Variants in TBC1D4 observed in about 807,000 individuals in gnomAD.
TBC1D4 encodes TBC (Tre-2, BUB2, CDC16) domain-containing protein.
A neutral mutation model predicts 142.5 loss-of-function variants in TBC1D4; 121 were observed. The observed-to-expected ratio is 0.85, with a 90% CI of 0.73 to 0.99. The LOEUF (loss-of-function observed/expected upper bound fraction) is 0.99, where lower values mean the gene tolerates loss of function less well. Among genes scored for constraint, TBC1D4 ranks in the 50% least tolerant of loss-of-function variants. The pLI is 0.00. For missense variants in TBC1D4, 1,475 were observed against 1,606.6 expected (o/e 0.92, Z 1.40); for synonymous variants, 630 against 628.2 (o/e 1.00, Z -0.04).
At position 75,286,372 on chromosome 13, in the gene TBC1D4, G is replaced by A. The variant is rs1224265086; in HGVS notation, c.*420C>T. On this transcript the variant is annotated 3_prime_UTR_variant, in exon 21 of 21. Coordinates refer to ENST00000377636, the MANE Select transcript of TBC1D4 (RefSeq NM_014832.5). ...AAAAAAATACATTCATTTTTTTCAA[G>A]TATATTGCAATATACAAAGATGCTC... 1 of 162,736 alleles carries A rather than the reference G, an allele frequency of 6.1e-6. No individual in the cohort carries two copies. Among genetic ancestry groups the A allele is most frequent in the Non-Finnish European group, 1.4e-5 (1 of 73,856 alleles). The allele number at this position is 162,736 out of a possible 1,614,324, so 10.1% of individuals were successfully genotyped here. A position where few individuals can be genotyped will look rare whatever the true frequency, so the allele number is the denominator to read the frequency against.
chr13:75,347,158 A>G (rs1881216694), intron 5 of TBC1D4, among the ~76,000 whole-genome samples: 1 of 151,564 alleles, frequency 6.6e-6, no homozygotes, highest in Non-Finnish European at 1.5e-5. Context: ...GTATTACACA[A>G]ACGTATTACA....
rs759153769 is a variant in TBC1D4 at position 75,362,650 on chromosome 13, G to A, written c.499-43C>T. On this transcript the variant is annotated intron_variant, in intron 1 of 20. Transcript: ENST00000377636. The surrounding 1 kb of genome is among the most constrained non-coding windows in gnomAD (Gnocchi z 4.2). ...AACCCTGATTCTAGTTGAAAGTTTTGAGACAATTTACATTTACCTAGCCCA... is the reference window on the plus strand; with the variant it reads ...AACCCTGATTCTAGTTGAAAGTTTTAAGACAATTTACATTTACCTAGCCCA... 1 of 1,606,838 alleles carries A rather than the reference G, an allele frequency of 6.2e-7. No individual in the cohort carries two copies. The highest frequency in any genetic ancestry group is 1.1e-5 in the South Asian group (1 of 90,842).
At chr13:75,384,780 C>T (rs1884075488) in intron 1 of TBC1D4, among the ~76,000 whole-genome samples, 2 of 151,958 alleles carry the variant, frequency 1.3e-5, no homozygotes, top group Admixed American at 6.6e-5. Context: ...AATAAACAAA[C>T]AAAAATCATC....
At position 75,333,674 on chromosome 13, in the gene TBC1D4, T is replaced by C. The variant is rs553797; in HGVS notation, c.1731+3247A>G. 2.2e-3 allele frequency among the ~76,000 whole-genome samples: 333 copies of C among 152,346 alleles called. 2 individuals carry two copies. The highest frequency in any genetic ancestry group is 7.4e-3 in the African/African-American group (307 of 41,580). On this transcript the variant is annotated intron_variant, in intron 8 of 20. Coordinates refer to ENST00000377636, the MANE Select transcript of TBC1D4 (RefSeq NM_014832.5). ...AACTTTCAAAACCAGGATACTGACA[T>C]TGATACAGTAATACTATTGAATCTT...
intron 1 of TBC1D4, among the ~76,000 whole-genome samples, chr13:75,477,777 G>A (rs1888679056): frequency 6.6e-6 from 1 of 152,176 alleles, no homozygotes; most frequent in African/African-American, 2.4e-5. Context: ...TCCCCAATCA[G>A]TTTAAGTCTG....
chr13:75,381,669 T>A (rs1883854015), intron 1 of TBC1D4, among the ~76,000 whole-genome samples: 1 of 152,212 alleles, frequency 6.6e-6, no homozygotes, highest in African/African-American at 2.4e-5. Context: ...CAAACTACTA[T>A]CATTGCAGGT....
intron 1 of TBC1D4, among the ~76,000 whole-genome samples, chr13:75,436,736 G>T (rs1452060849): frequency 4.0e-5 from 6 of 151,782 alleles, no homozygotes; most frequent in Non-Finnish European, 7.4e-5. Flanking sequence ...GGACACTAAT[G>T]GGTAAAATGT....
rs1163853822 is a variant in TBC1D4, at chr13:75,402,892, G to A, written c.499-40285C>T. 4.6e-5 allele frequency among the ~76,000 whole-genome samples: 7 copies of A among 152,184 alleles called. No individual in the cohort carries two copies. In the East Asian group the frequency reaches 9.6e-4, roughly 21 times the overall value. ...AAAATAGAGCTCACAAGGAGATTAA[G>A]TTACATACACAAGGTGTCTGAACAT... On this transcript the variant is annotated intron_variant, in intron 1 of 20. Coordinates refer to ENST00000377636, the MANE Select transcript of TBC1D4 (RefSeq NM_014832.5).
chr13:75,399,613 TGCTGGGCATCTTGG>T (rs1884979167), intron 1 of TBC1D4, among the ~76,000 whole-genome samples: 1 of 152,216 alleles, frequency 6.6e-6, no homozygotes, highest in African/African-American at 2.4e-5. Flanking sequence ...GAGCTGAGAC[TGCTGGGCATCTTGG>T]GAGTGAGCAA....
At chr13:75,339,489 C>T (rs1033264610) in intron 7 of TBC1D4, among the ~76,000 whole-genome samples, 1 of 152,188 alleles carries the variant, frequency 6.6e-6, no homozygotes, top group Admixed American at 6.5e-5. Flanking sequence ...TTGTTTCCCC[C>T]ACCAATCCCC....
chr13:75,401,555 T>A (rs1885096193), intron 1 of TBC1D4, among the ~76,000 whole-genome samples: 1 of 152,242 alleles, frequency 6.6e-6, no homozygotes, highest in African/African-American at 2.4e-5. Flanking sequence ...CTATCAAGAA[T>A]TATGTACAAA....
chr13:75,440,658 A>AT (rs1457193850), intron 1 of TBC1D4, among the ~76,000 whole-genome samples: 3 of 151,532 alleles, frequency 2.0e-5, no homozygotes, highest in Non-Finnish European at 4.4e-5. Flanking sequence ...GGCTCAAGGG[A>AT]TCCCCCCAGC....
At chr13:75,462,978 A>G (rs1361147848) in intron 1 of TBC1D4, among the ~76,000 whole-genome samples, 1 of 152,158 alleles carries the variant, frequency 6.6e-6, no homozygotes, top group African/African-American at 2.4e-5. Context: ...GTAGAACACA[A>G]CCTTATGATT....
chr13:75,474,334 C>T (rs932995137), intron 1 of TBC1D4, among the ~76,000 whole-genome samples: 1 of 152,170 alleles, frequency 6.6e-6, no homozygotes, highest in Non-Finnish European at 1.5e-5. Context: ...CCTATGCGGG[C>T]GGATCACGAG....
intron 12 of TBC1D4, among the ~76,000 whole-genome samples, chr13:75,315,627 A>G (rs1211407373): frequency 1.3e-5 from 2 of 152,050 alleles, no homozygotes; most frequent in African/African-American, 2.4e-5. Flanking sequence ...GTATATTTCT[A>G]GCTTGTAGTG....
chr13:75,294,256 T>C (rs1040792527), intron 18 of TBC1D4, among the ~76,000 whole-genome samples: 9 of 152,210 alleles, frequency 5.9e-5, no homozygotes, highest in Non-Finnish European at 1.3e-4. Flanking sequence ...AGCAAGGCAG[T>C]TACTCAGTAA....
chr13:75,299,535 A>G lies in TBC1D4; in HGVS notation c.2951T>C (p.Leu984Pro), dbSNP rs1396034711. Reference sequence around the variant, plus strand: ...AAACAGTGACAGCTGTCCTGGCCCAAGCTGTACTGAAAAGTAAGGGTGAGT... The same window carrying G: ...AAACAGTGACAGCTGTCCTGGCCCAGGCTGTACTGAAAAGTAAGGGTGAGT... ...FPTHPYFSVQ[L>P]GPGQLSLFNL... Residue 984 changes from leucine to proline, a missense_variant, in exon 17 of 21, where the codon CTT (leucine) becomes CCT (proline). Coordinates refer to ENST00000377636, the MANE Select transcript of TBC1D4 (RefSeq NM_014832.5). 4 of 1,614,218 alleles carry G rather than the reference A, an allele frequency of 2.5e-6. No individual in the cohort carries two copies. In the South Asian group the frequency reaches 4.4e-5, roughly 18 times the overall value.
At position 75,286,608 on chromosome 13, in the gene TBC1D4, G is replaced by A. The variant is rs1874693382; in HGVS notation, c.*184C>T. 3.2e-6 allele frequency: 2 copies of A among 626,860 alleles called. No homozygotes were observed. Among genetic ancestry groups the A allele is most frequent in the East Asian group, 2.8e-5 (1 of 36,096 alleles). The allele number at this position is 626,860 out of a possible 1,614,324, so 38.8% of individuals were successfully genotyped here. ...CAACAACAAAAACCAGTCTACATAT[G>A]TCCAATGGCTTAGGATTGGCATGCT... On this transcript the variant is annotated 3_prime_UTR_variant, in exon 21 of 21. Coordinates refer to ENST00000377636, the MANE Select transcript of TBC1D4 (RefSeq NM_014832.5).
rs536611638 is a variant in TBC1D4 at position 75,472,530 on chromosome 13, G to A, written c.498+8740C>T. ...GGCTTTTACAAAATTCCATACGACA[G>A]CCAAAATAAAATCTGTACAAAATAA... On this transcript the variant is annotated intron_variant, in intron 1 of 20. Coordinates refer to ENST00000377636, the MANE Select transcript of TBC1D4 (RefSeq NM_014832.5). 4.6e-5 allele frequency among the ~76,000 whole-genome samples: 7 copies of A among 152,260 alleles called. No homozygotes were observed. The East Asian group carries it at 1.4e-3, about 29-fold the overall frequency.
Sources: gnomAD v4.1 joint callset for allele counts (sites outside exome capture counted in the v4.1 genomes callset) on GRCh38, gnomAD v4.1.1 for gene constraint, Gnocchi (gnomAD v3.1) non-coding constraint, MANE v1.5 for transcripts, NCBI Gene and HGNC (gene_info 2026-07-23, HGNC 2026-07-21) for gene names.